Variants in NCKAP1 observed in about 807,000 individuals in gnomAD.
NCKAP1 encodes NCK associated protein 1.
In NCKAP1, 21 loss-of-function variants were observed where a neutral mutation model predicts 151.2. The ratio of observed to expected loss-of-function variants is 0.14; its 90% CI spans 0.10 to 0.20. The LOEUF is 0.20. Among genes scored for constraint, NCKAP1 ranks in the 10% least tolerant of loss-of-function variants. The probability of loss-of-function intolerance (pLI) is 1.00; values close to 1 mark genes in which losing one functional copy is unlikely to be tolerated. For synonymous variants in NCKAP1, 484 were observed against 451.8 expected (o/e 1.07, Z -0.90); for missense variants, 933 against 1,352.1 (o/e 0.69, Z 4.86).
intron 2 of NCKAP1, among the ~76,000 whole-genome samples, chr2:183,006,772 T>C (rs568549143): frequency 6.6e-5 from 10 of 152,018 alleles, no homozygotes; most frequent in Admixed American, 5.9e-4. Context: ...AAGCAGAAAA[T>C]GGCCTAAGAA....
chr2:182,977,331 A>T (rs540983068), intron 14 of NCKAP1, among the ~76,000 whole-genome samples: 50 of 152,006 alleles, frequency 3.3e-4, no homozygotes, highest in Non-Finnish European at 4.7e-4. Flanking sequence ...CTCTACTAAA[A>T]ATACAAAAAT....
chr2:182,963,925 A>G (rs1697508222), intron 17 of NCKAP1, among the ~76,000 whole-genome samples: 2 of 152,116 alleles, frequency 1.3e-5, no homozygotes, highest in African/African-American at 4.8e-5. Flanking sequence ...ACTGGCATAC[A>G]ATCTGCAACA....
chr2:183,019,337 T>C (rs755033906), intron 2 of NCKAP1, among the ~76,000 whole-genome samples: 14 of 151,640 alleles, frequency 9.2e-5, no homozygotes, highest in Non-Finnish European at 1.9e-4. Flanking sequence ...TGTAATGCAA[T>C]ATAGGAAAGA....
At chr2:182,959,881 G>A (rs1005479759) in intron 18 of NCKAP1, among the ~76,000 whole-genome samples, 1 of 152,158 alleles carries the variant, frequency 6.6e-6, no homozygotes, top group African/African-American at 2.4e-5. Flanking sequence ...GGCAACTTCA[G>A]CAAAGTCTCA....
rs1208194681 is a variant in NCKAP1 at position 182,912,491 on chromosome 2, C to T, written c.*13211G>A. ...GTTGTGCAGTACTCCTTTCCAATGACCTGTAAAAATTATATATTCAGAAAG... is the reference window on the plus strand; with the variant it reads ...GTTGTGCAGTACTCCTTTCCAATGATCTGTAAAAATTATATATTCAGAAAG... On this transcript the variant is annotated 3_prime_UTR_variant, in exon 31 of 31. Transcript: ENST00000361354. The T allele has an allele frequency of 2.6e-5, 4 of 152,112 alleles. No homozygotes were observed. The highest frequency in any genetic ancestry group is 5.9e-5 in the Non-Finnish European group (4 of 68,018). 9.4% of individuals were successfully genotyped at this position (152,112 alleles called of 1,614,324 possible).
At chr2:182,931,269 G>C (rs1357210783) in intron 26 of NCKAP1, among the ~76,000 whole-genome samples, 1 of 151,880 alleles carries the variant, frequency 6.6e-6, no homozygotes, top group African/African-American at 2.4e-5. Flanking sequence ...AATCTGATAA[G>C]GGAATTTCTA....
chr2:182,933,038 A>G (rs1696797617), intron 26 of NCKAP1, among the ~76,000 whole-genome samples: 1 of 152,234 alleles, frequency 6.6e-6, no homozygotes, highest in Non-Finnish European at 1.5e-5. Flanking sequence ...AAATAGAATT[A>G]TAATACAAGG....
intron 15 of NCKAP1, among the ~76,000 whole-genome samples, chr2:182,970,074 A>G (rs1168951805): frequency 2.6e-5 from 4 of 152,102 alleles, no homozygotes; most frequent in African/African-American, 9.7e-5. Context: ...GAAACAGAAA[A>G]CCTGAAAGGA....
Position 182,934,761 on chromosome 2 carries a change from A to G in NCKAP1, c.2850T>C (p.Thr950=). The change falls in exon 26 of 31, where the codon ACT becomes ACC. Residue 950 remains threonine, a synonymous_variant. Transcript: ENST00000361354. ...TAAATTATATTATTACCTTCATATCAGTTTCCCTTGGAATGTGATCCTTAA... is the reference window on the plus strand; with the variant it reads ...TAAATTATATTATTACCTTCATATCGGTTTCCCTTGGAATGTGATCCTTAA... ...EDFKDHIPRE[T]DMKVAMNVYE... The G allele has an allele frequency of 4.1e-6, 6 of 1,448,654 alleles. No individual in the cohort carries two copies. Among genetic ancestry groups the G allele is most frequent in the Non-Finnish European group, 5.8e-6 (6 of 1,039,014 alleles). 89.7% of individuals were successfully genotyped at this position (1,448,654 alleles called of 1,614,324 possible). A position where few individuals can be genotyped will look rare whatever the true frequency, so the allele number is the denominator to read the frequency against.
In NCKAP1 at chr2:182,952,472, G is replaced by A; in HGVS notation, c.2534C>T (p.Pro845Leu). The change falls in exon 23 of 31, where the codon CCA becomes CTA. Residue 845 changes from proline (P) to leucine (L), a missense_variant. Physicochemically the swap from Pro to Leu is moderately conservative, Grantham distance 98. Around this residue, in one of 2 missense-constraint regions of NCKAP1, gnomAD observed 326 missense variants for 557.1 expected, o/e 0.59. Coordinates refer to ENST00000361354, the MANE Select transcript of NCKAP1 (RefSeq NM_013436.5). The stretch of plus-strand genomic sequence containing the variant: ...TTCACTTAGAAACTTCATACCATAT[G>A]GGCCTAGTAGTTCTGATAATGACCT... ...EMRSLSELLG[P>L]YGMKFLSESL... 6.2e-7 allele frequency: 1 copy of A among 1,607,298 alleles called. No homozygotes were observed. Among genetic ancestry groups the A allele is most frequent in the East Asian group, 2.2e-5 (1 of 44,660 alleles).
chr2:183,007,241 T>C (rs1485529909), intron 2 of NCKAP1, among the ~76,000 whole-genome samples: 1 of 152,224 alleles, frequency 6.6e-6, no homozygotes, highest in African/African-American at 2.4e-5. Flanking sequence ...AGAATTTGTA[T>C]AATGCTTTCC....
At chr2:183,020,482 AAAAAAAAG>A (rs1559109267) in intron 2 of NCKAP1, among the ~76,000 whole-genome samples, 2 of 125,024 alleles carry the variant, frequency 1.6e-5, no homozygotes, top group Non-Finnish European at 3.4e-5. Context: ...AAAAAAAAAG[AAAAAAAAG>A]AAAAAAAAAT....
chr2:182,955,282 T>C (rs1697301813), intron 20 of NCKAP1, among the ~76,000 whole-genome samples: 2 of 152,198 alleles, frequency 1.3e-5, no homozygotes, highest in Non-Finnish European at 2.9e-5. Flanking sequence ...ATAGTGCAAA[T>C]ACAAACACCA....
At chr2:182,961,924 A>G (rs1051041531) in intron 18 of NCKAP1, among the ~76,000 whole-genome samples, 3 of 152,232 alleles carry the variant, frequency 2.0e-5, no homozygotes, top group African/African-American at 7.2e-5. Flanking sequence ...AACACTACAC[A>G]CATGTAAAAA....
intron 1 of NCKAP1, among the ~76,000 whole-genome samples, chr2:183,028,741 A>G (rs1002775074): frequency 3.7e-4 from 57 of 152,270 alleles, no homozygotes; most frequent in African/African-American, 1.4e-3. Flanking sequence ...TAAGTTCCAA[A>G]TATTTTTTTA....
intron 14 of NCKAP1, 40 bp downstream of exon 14, chr2:182,978,794 A>G (rs1405379460): frequency 8.3e-7 from 1 of 1,203,140 alleles, no homozygotes; most frequent in African/African-American, 1.5e-5. Flanking sequence ...TTGAAAATCT[A>G]ATTAGAAGAA....
intron 13 of NCKAP1, among the ~76,000 whole-genome samples, chr2:182,979,242 A>G (rs1697889757): frequency 6.6e-6 from 1 of 152,120 alleles, no homozygotes; most frequent in African/African-American, 2.4e-5. Context: ...AAGAATGATG[A>G]AGGTGTACCA....
chr2:182,949,968 T>C lies in NCKAP1; in HGVS notation c.2601+2437A>G, dbSNP rs142870038. ...ACTGCATGAGAGGTCACAATTAAGATACACATACAGCTGAATGAAGAGAAT... is the reference window on the plus strand; with the variant it reads ...ACTGCATGAGAGGTCACAATTAAGACACACATACAGCTGAATGAAGAGAAT... On this transcript the variant is annotated intron_variant, in intron 23 of 30. Coordinates refer to ENST00000361354, the MANE Select transcript of NCKAP1 (RefSeq NM_013436.5). Among the ~76,000 whole-genome samples, 156 of 152,316 alleles carry C rather than the reference T, an allele frequency of 1.0e-3. 2 individuals carry two copies. The East Asian group carries it at 0.027, about 26-fold the overall frequency.
chr2:183,015,447 T>C (rs1419552252), intron 2 of NCKAP1, among the ~76,000 whole-genome samples: 1 of 150,810 alleles, frequency 6.6e-6, no homozygotes, highest in African/African-American at 2.4e-5. Context: ...TCTAGATTGA[T>C]GTTAGAAGAC....
Sources: gnomAD v4.1 joint callset for allele counts (sites outside exome capture counted in the v4.1 genomes callset) on GRCh38, gnomAD v4.1.1 for gene constraint, gnomAD v4.1.1 regional missense constraint, MANE v1.5 for transcripts, NCBI Gene and HGNC (gene_info 2026-07-23, HGNC 2026-07-21) for gene names.